Variants in XIRP2 observed in about 807,000 individuals in gnomAD.
XIRP2 encodes xin actin binding repeat containing 2.
A neutral mutation model predicts 277.0 loss-of-function variants in XIRP2; 236 were observed. That is an observed-to-expected ratio of 0.85 (90% confidence interval 0.77 to 0.95). The LOEUF is 0.95. Ranked by LOEUF, XIRP2 falls within the 40% of genes least tolerant of loss-of-function variation. The probability of loss-of-function intolerance (pLI) is 0.00; values close to 1 mark genes in which losing one functional copy is unlikely to be tolerated. For missense variants in XIRP2, 4,640 were observed against 4,157.5 expected (o/e 1.12, Z -3.19); for synonymous variants, 1,490 against 1,416.5 (o/e 1.05, Z -1.17).
At chr2:167,086,725 T>G (rs1162260733) in intron 2 of XIRP2, among the ~76,000 whole-genome samples, 1 of 151,802 alleles carries the variant, frequency 6.6e-6, no homozygotes, top group Admixed American at 6.6e-5. Context: ...TTTCTCCCAG[T>G]TGATCGCATC....
Position 167,137,161 on chromosome 2 carries a change from G to T in XIRP2, c.562+1099G>T, listed in dbSNP as rs557691963. ...GTTCAGCCCATTCTGATTCCGTTTG[G>T]TTTAAGGATGTAATTTGGAGTGGGA... On this transcript the variant is annotated intron_variant, in intron 3 of 10. Transcript: ENST00000409195. Among the ~76,000 whole-genome samples, 4 of 152,300 alleles carry T rather than the reference G, an allele frequency of 2.6e-5. No homozygotes were observed. The East Asian group carries it at 7.7e-4, about 29-fold the overall frequency.
At chr2:167,146,114 G>GTT (rs563958515) in intron 3 of XIRP2, among the ~76,000 whole-genome samples, 1 of 146,488 alleles carries the variant, frequency 6.8e-6, no homozygotes, top group Admixed American at 6.8e-5. Context: ...AAAATATTAA[G>GTT]TTTTTTTTTT....
chr2:167,161,810 GA>G (rs1256173824), intron 3 of XIRP2, among the ~76,000 whole-genome samples: 1 of 152,156 alleles, frequency 6.6e-6, no homozygotes, highest in Non-Finnish European at 1.5e-5. Flanking sequence ...TTTCTTCTCA[GA>G]AAATGGGGTT....
chr2:167,129,814 G>A (rs929009255), intron 2 of XIRP2, among the ~76,000 whole-genome samples: 3 of 149,584 alleles, frequency 2.0e-5, no homozygotes, highest in Admixed American at 2.0e-4. Flanking sequence ...AGATTGTGGT[G>A]AGCTGAGATC....
At position 167,214,093 on chromosome 2, in the gene XIRP2, A is replaced by AAGGAAGGAAG. The variant is rs1694147519; in HGVS notation, c.723+3198_723+3199insAGGAAGGAAG. On this transcript the variant is annotated intron_variant, in intron 4 of 10. Transcript: ENST00000409195. Reference sequence around the variant, plus strand: ...TAGAAAGGAAGGAAGGAAGAAAGAAAGAAGGAAGGAAGGAAGGAAGGAAGG... The same window carrying AAGGAAGGAAG: ...TAGAAAGGAAGGAAGGAAGAAAGAAAAGGAAGGAAGGAAGGAAGGAAGGAAGGAAGGAAGG... 7.8e-5 allele frequency among the ~76,000 whole-genome samples: 5 copies of AAGGAAGGAAG among 64,348 alleles called. 1 individual carries two copies. The highest frequency in any genetic ancestry group is 2.3e-4 in the African/African-American group (3 of 12,944). The allele number at this position is 64,348 out of a possible 152,430, so 42.2% of individuals were successfully genotyped here. A position where few individuals can be genotyped will look rare whatever the true frequency, so the allele number is the denominator to read the frequency against.
chr2:167,029,565 T>A (rs550767504), intron 2 of XIRP2, among the ~76,000 whole-genome samples: 36 of 152,146 alleles, frequency 2.4e-4, no homozygotes, highest in Non-Finnish European at 4.7e-4. Context: ...CTGACTTGAT[T>A]GTGGTGGATA....
chr2:166,952,667 C>T (rs560035751), intron 2 of XIRP2, among the ~76,000 whole-genome samples: 19 of 152,012 alleles, frequency 1.2e-4, no homozygotes, highest in African/African-American at 4.6e-4. Flanking sequence ...TAACAACTTT[C>T]ATTGGTTCAA....
chr2:167,241,832 A>G lies in XIRP2; in HGVS notation c.1098A>G (p.Lys366=). Residue 366 remains lysine, a synonymous_variant, in exon 8 of 11, where the codon AAA becomes AAG. Transcript: ENST00000409195. ...EIPKVSTKLL[K]EQFEKSAQEK... ...CAAAGGTTTCGACTAAGTTGTTAAA[A>G]GAGCAGTTTGAAAAGTCTGCCCAGG... The G allele has an allele frequency of 1.2e-6, 2 of 1,613,804 alleles. No individual in the cohort carries two copies. The highest frequency in any genetic ancestry group is 1.7e-6 in the Non-Finnish European group (2 of 1,179,804).
chr2:166,913,895 T>C (rs1228864022), intron 2 of XIRP2, among the ~76,000 whole-genome samples: 1 of 152,234 alleles, frequency 6.6e-6, no homozygotes, highest in Non-Finnish European at 1.5e-5. Flanking sequence ...TCATGACTTA[T>C]TCTTCACTTA....
chr2:167,143,612 T>A (rs900869343), intron 3 of XIRP2, among the ~76,000 whole-genome samples: 1 of 152,172 alleles, frequency 6.6e-6, no homozygotes, highest in East Asian at 1.9e-4. Context: ...TTCTAAGCTA[T>A]GAGTGAAACA....
chr2:166,987,830 A>C (rs1687047171), intron 2 of XIRP2, among the ~76,000 whole-genome samples: 1 of 152,230 alleles, frequency 6.6e-6, no homozygotes, highest in Non-Finnish European at 1.5e-5. Context: ...AAGTAACAAT[A>C]GTAACAGATT....
chr2:167,065,911 A>G (rs1190914869), intron 2 of XIRP2, among the ~76,000 whole-genome samples: 1 of 151,994 alleles, frequency 6.6e-6, no homozygotes, highest in Non-Finnish European at 1.5e-5. Flanking sequence ...TCTCACATGC[A>G]TAGTTTCTTT....
chr2:167,092,807 G>C (rs1690184199), intron 2 of XIRP2, among the ~76,000 whole-genome samples: 1 of 152,066 alleles, frequency 6.6e-6, no homozygotes, highest in African/African-American at 2.4e-5. Context: ...TGTAGAGAGT[G>C]ATTTAAGCAA....
At chr2:167,180,272 T>G (rs1222082648) in intron 3 of XIRP2, among the ~76,000 whole-genome samples, 1 of 152,148 alleles carries the variant, frequency 6.6e-6, no homozygotes, top group African/African-American at 2.4e-5. Flanking sequence ...CCTTTTAAAT[T>G]TAATATTTAT....
chr2:166,939,614 A>G (rs1685631589), intron 2 of XIRP2, among the ~76,000 whole-genome samples: 1 of 139,540 alleles, frequency 7.2e-6, no homozygotes, highest in Admixed American at 7.6e-5. Context: ...CAGGAGGTGG[A>G]GCTTTCAGTG....
At chr2:167,184,688 G>A in intron 3 of XIRP2, 3 of 706,160 alleles carry the variant, frequency 4.2e-6, no homozygotes, top group Non-Finnish European at 7.9e-6. Flanking sequence ...GGTCTCATTG[G>A]TTTGGCTATC....
At chr2:166,890,958 T>C (rs755471408) in intron 1 of XIRP2, among the ~76,000 whole-genome samples, 19 of 152,064 alleles carry the variant, frequency 1.2e-4, no homozygotes, top group South Asian at 4.1e-4. Context: ...GGGGTTATGG[T>C]TGAGGGTGCA....
intron 2 of XIRP2, among the ~76,000 whole-genome samples, chr2:167,023,026 C>A (rs1208522541): frequency 6.6e-6 from 1 of 152,168 alleles, no homozygotes; most frequent in African/African-American, 2.4e-5. Context: ...TGAGGAATCG[C>A]CACACGGACT....
chr2:167,071,935 C>A (rs1002677449), intron 2 of XIRP2, among the ~76,000 whole-genome samples: 2 of 152,188 alleles, frequency 1.3e-5, no homozygotes, highest in Non-Finnish European at 2.9e-5. Context: ...CATCACCCTA[C>A]AGGTGGGGAG....
Sources: gnomAD v4.1 joint callset for allele counts (sites outside exome capture counted in the v4.1 genomes callset) on GRCh38, gnomAD v4.1.1 for gene constraint, MANE v1.5 for transcripts, NCBI Gene and HGNC (gene_info 2026-07-23, HGNC 2026-07-21) for gene names.